The following TBL1XR1 variants were observed in gnomAD, a reference collection of about 807,000 sequenced individuals.
TBL1XR1 encodes TBL1X/Y related 1.
A neutral mutation model predicts 66.9 loss-of-function variants in TBL1XR1; 5 were observed. The ratio of observed to expected loss-of-function variants is 0.07; its 90% CI spans 0.04 to 0.16. TBL1XR1 has a LOEUF of 0.16. Among genes scored for constraint, TBL1XR1 ranks in the 10% least tolerant of loss-of-function variants. The pLI is 1.00. For synonymous variants in TBL1XR1, 210 were observed against 206.0 expected, an observed-to-expected ratio of 1.02 and a Z score of -0.17; for missense variants, 238 against 623.2, an observed-to-expected ratio of 0.38 and a Z score of 6.58.
chr3:177,151,189 T>C (rs556260904), intron 1 of TBL1XR1, among the ~76,000 whole-genome samples: 1 of 152,338 alleles, frequency 6.6e-6, no homozygotes, highest in South Asian at 2.1e-4. Context: ...AAGCCAAATC[T>C]GTGACTGAGA....
At chr3:177,190,595 G>A (rs28377824) in intron 1 of TBL1XR1, among the ~76,000 whole-genome samples, 3,659 of 152,246 alleles carry the variant, frequency 0.024, 108 homozygotes, top group African/African-American at 0.067. Flanking sequence ...AGAGATTACA[G>A]GCGTGGGCCA....
chr3:177,063,517 T>G (rs1718775929), intron 3 of TBL1XR1, among the ~76,000 whole-genome samples: 1 of 152,226 alleles, frequency 6.6e-6, no homozygotes, highest in African/African-American at 2.4e-5. Flanking sequence ...AAGAAGAGTT[T>G]GCTTTAACCC....
chr3:177,170,575 T>C (rs1200411191), intron 1 of TBL1XR1, among the ~76,000 whole-genome samples: 2 of 152,100 alleles, frequency 1.3e-5, no homozygotes, highest in East Asian at 3.9e-4. Context: ...AATGATAGAA[T>C]CGGGTGGGGA....
intron 1 of TBL1XR1, among the ~76,000 whole-genome samples, chr3:177,118,176 G>A (rs770601681): frequency 3.9e-5 from 6 of 152,126 alleles, no homozygotes; most frequent in Non-Finnish European, 5.9e-5. Context: ...TATTCCATGC[G>A]AATATAGAAG....
rs1712150104 is a variant in TBL1XR1, at chr3:177,020,013, A to G, written c.*5485T>C. 6.6e-6 allele frequency: 1 copy of G among 151,846 alleles called. No individual in the cohort carries two copies. The highest frequency in any genetic ancestry group is 1.5e-5 in the Non-Finnish European group (1 of 67,958). The allele number at this position is 151,846 out of a possible 1,614,324, so 9.4% of individuals were successfully genotyped here. ...AAAAAAAAAAAAGAAAATATGCTCA[A>G]TGATTCTTTTTAAAAAGTCTCTAAC... On this transcript the variant is annotated 3_prime_UTR_variant, in exon 16 of 16. Transcript: ENST00000457928.
At chr3:177,027,712 T>A (rs1325626026) in intron 14 of TBL1XR1, 6 of 152,248 alleles carry the variant, frequency 3.9e-5, no homozygotes, top group African/African-American at 1.2e-4. Flanking sequence ...CGAGCTTTCC[T>A]CTTCAAATTT....
intron 2 of TBL1XR1, among the ~76,000 whole-genome samples, chr3:177,090,960 A>G (rs954473637): frequency 7.2e-5 from 11 of 152,060 alleles, no homozygotes; most frequent in African/African-American, 2.7e-4. Flanking sequence ...CTGCAATCCT[A>G]CCTGGGTGAC....
At chr3:177,189,369 T>G (rs1298378355) in intron 1 of TBL1XR1, among the ~76,000 whole-genome samples, 1 of 151,834 alleles carries the variant, frequency 6.6e-6, no homozygotes, top group African/African-American at 2.4e-5. Context: ...ATACAAAAAT[T>G]AGCTGGGCGT....
At chr3:177,095,036 T>TAAA (rs35923546) in intron 2 of TBL1XR1, among the ~76,000 whole-genome samples, 1 of 148,388 alleles carries the variant, frequency 6.7e-6, no homozygotes, top group Non-Finnish European at 1.5e-5. Context: ...CATTCTGCCT[T>TAAA]AAAAAAAAAA....
chr3:177,118,096 C>T lies in TBL1XR1; in HGVS notation c.-121-19555G>A, dbSNP rs549334344. On this transcript the variant is annotated intron_variant, in intron 1 of 15. Coordinates refer to ENST00000457928, the MANE Select transcript of TBL1XR1 (RefSeq NM_024665.7). ...CACCTACCATTTTATCCACTCTTCT[C>T]AGCCAGAGACTCAGGACATATTAGT... 1.4e-4 allele frequency among the ~76,000 whole-genome samples: 21 copies of T among 152,324 alleles called. No individual in the cohort carries two copies. The East Asian group carries it at 3.9e-3, about 28-fold the overall frequency.
In TBL1XR1 at chr3:177,022,917, T is replaced by C. The variant is rs1425019249; in HGVS notation, c.*2581A>G. On this transcript the variant is annotated 3_prime_UTR_variant, in exon 16 of 16. Coordinates refer to ENST00000457928, the MANE Select transcript of TBL1XR1 (RefSeq NM_024665.7). The stretch of plus-strand genomic sequence containing the variant: ...AAAATGGATACCTTTCAGAAAAGTA[T>C]ATACTTAAAAGACCCAAGACGTCAG... 6.6e-6 allele frequency: 1 copy of C among 152,272 alleles called. No homozygotes were observed. The highest frequency in any genetic ancestry group is 1.5e-5 in the Non-Finnish European group (1 of 67,926). The allele number at this position is 152,272 out of a possible 1,614,324, so 9.4% of individuals were successfully genotyped here.
At chr3:177,153,775 G>A (rs772631854) in intron 1 of TBL1XR1, among the ~76,000 whole-genome samples, 3 of 151,554 alleles carry the variant, frequency 2.0e-5, no homozygotes, top group Non-Finnish European at 4.4e-5. Flanking sequence ...TACTCAGGAG[G>A]TTGAGGCAGG....
chr3:177,071,031 G>GTTTTTTTTT (rs764951521), intron 2 of TBL1XR1, among the ~76,000 whole-genome samples: 1,150 of 104,548 alleles, frequency 0.011, 115 homozygotes, highest in African/African-American at 0.042. Context: ...CTGAGAATCT[G>GTTTTTTTTT]TTTTTTTTTT....
At chr3:177,074,194 G>A (rs915930742) in intron 2 of TBL1XR1, among the ~76,000 whole-genome samples, 1 of 152,140 alleles carries the variant, frequency 6.6e-6, no homozygotes, top group African/African-American at 2.4e-5. Context: ...GTACCTTGAG[G>A]ATACGTAAGA....
intron 2 of TBL1XR1, among the ~76,000 whole-genome samples, chr3:177,095,036 T>TAA (rs35923546): frequency 2.0e-4 from 30 of 148,422 alleles, no homozygotes; most frequent in Non-Finnish European, 2.4e-4. Flanking sequence ...CATTCTGCCT[T>TAA]AAAAAAAAAA....
chr3:177,026,149 G>A (rs1713092629), intron 15 of TBL1XR1: 1 of 511,416 alleles, frequency 2.0e-6, no homozygotes, highest in African/African-American at 2.0e-5. Context: ...AAAAATAACT[G>A]TCCATTTCTA....
chr3:177,114,462 C>A (rs1309067907), intron 1 of TBL1XR1, among the ~76,000 whole-genome samples: 1 of 151,852 alleles, frequency 6.6e-6, no homozygotes, highest in African/African-American at 2.4e-5. Context: ...CCAGCAAGAC[C>A]AGCTAATTTT....
At position 177,064,908 on chromosome 3, in the gene TBL1XR1, A is replaced by G. The variant is rs997942953; in HGVS notation, c.58+12T>C. ...ATAATTTGAGGCCTATTTACTTTAT[A>G]AAAGTACTCACCTGACTCTTGCAAG... On this transcript the variant is annotated intron_variant, in intron 3 of 15. Transcript: ENST00000457928. 9 of 1,493,570 alleles carry G rather than the reference A, an allele frequency of 6.0e-6. No homozygotes were observed. Among genetic ancestry groups the G allele is most frequent in the Admixed American group, 2.2e-5 (1 of 45,740 alleles). The allele number at this position is 1,493,570 out of a possible 1,614,324, so 92.5% of individuals were successfully genotyped here. A position where few individuals can be genotyped will look rare whatever the true frequency, so the allele number is the denominator to read the frequency against.
intron 1 of TBL1XR1, among the ~76,000 whole-genome samples, chr3:177,150,659 T>C (rs896532179): frequency 6.6e-6 from 1 of 152,232 alleles, no homozygotes; most frequent in African/African-American, 2.4e-5. Context: ...TTCCCAGCTC[T>C]ACCTGACTAA....
Sources: allele counts gnomAD v4.1 joint callset (sites outside exome capture counted in the v4.1 genomes callset), GRCh38; gene constraint gnomAD v4.1.1; transcripts MANE v1.5; gene names NCBI Gene and HGNC (gene_info 2026-07-23, HGNC 2026-07-21).